Variants in SHANK2 observed in about 807,000 individuals in gnomAD.
The protein encoded by SHANK2 is SH3 and multiple ankyrin repeat domains protein 2.
SHANK2 carries 43 observed loss-of-function variants against 133.7 expected under a neutral mutation model. The ratio of observed to expected loss-of-function variants is 0.32; its 90% CI spans 0.25 to 0.41. SHANK2 has a LOEUF of 0.41. Ranked by LOEUF, SHANK2 falls within the 10% of genes least tolerant of loss-of-function variation. SHANK2 has a pLI of 1.00. For missense variants in SHANK2, 1,994 were observed against 2,235.8 expected, an observed-to-expected ratio of 0.89 and a Z score of 2.18; for synonymous variants, 1,017 against 952.8, an observed-to-expected ratio of 1.07 and a Z score of -1.24.
chr11:70,622,875 G>C (rs1310221827), intron 17 of SHANK2, among the ~76,000 whole-genome samples: 2 of 151,606 alleles, frequency 1.3e-5, no homozygotes, highest in East Asian at 3.9e-4. Flanking sequence ...CTGGGGAGTA[G>C]AGTCTAAATT....
chr11:71,180,546 G>GA (rs1320713884), intron 2 of SHANK2, among the ~76,000 whole-genome samples: 18 of 151,218 alleles, frequency 1.2e-4, no homozygotes, highest in African/African-American at 4.1e-4. Flanking sequence ...AGGTTGCAAA[G>GA]AAAAAAAGAA....
chr11:70,756,539 TG>T (rs1946877724), intron 14 of SHANK2, among the ~76,000 whole-genome samples: 1 of 152,146 alleles, frequency 6.6e-6, no homozygotes, highest in Non-Finnish European at 1.5e-5. Context: ...TCCAGCTGTG[TG>T]GGCAGGGGCT....
intron 17 of SHANK2, among the ~76,000 whole-genome samples, chr11:70,575,669 C>T (rs1309640730): frequency 2.7e-5 from 4 of 150,152 alleles, no homozygotes; most frequent in Middle Eastern, 3.2e-3. Flanking sequence ...AATGTGTGAG[C>T]GCTTTACAGA....
chr11:70,884,736 T>C (rs1949711174), intron 11 of SHANK2, among the ~76,000 whole-genome samples: 1 of 152,252 alleles, frequency 6.6e-6, no homozygotes. Context: ...CTTTCTTTTT[T>C]TGAGACGAAG....
At chr11:71,223,427 C>T (rs145345936) in intron 2 of SHANK2, among the ~76,000 whole-genome samples, 16 of 152,118 alleles carry the variant, frequency 1.1e-4, no homozygotes, top group African/African-American at 3.1e-4. Flanking sequence ...GCATCTGTAC[C>T]GAACATGTAC....
In SHANK2 at chr11:70,661,663, C is replaced by T. The variant is rs1471538596; in HGVS notation, c.1869G>A (p.Glu623=). The part of the protein sequence containing the change: ...SFDTSSDCII[E]EKTVVLQKKD... ...TTTTCTGCAGGACCACCGTCTTCTC[C>T]TCAATAATGCAGTCACTGTAGAGAG... is the stretch of plus-strand genomic sequence containing the variant. The change falls in exon 16 of 26, where the codon GAG becomes GAA. Residue 623 remains glutamate, a synonymous_variant. Coordinates refer to ENST00000601538, the MANE Select transcript of SHANK2 (RefSeq NM_012309.5). The T allele has an allele frequency of 3.1e-6, 5 of 1,614,056 alleles. No homozygotes were observed. The Admixed American group carries it at 6.7e-5, about 22-fold the overall frequency.
chr11:70,502,754 AG>A, intron 18 of SHANK2, 41 bp downstream of exon 18: 5 of 254,076 alleles, frequency 2.0e-5, no homozygotes, highest in Admixed American at 1.6e-4. Context: ...CCCCCCCCCC[AG>A]TAGGGCCCCA....
intron 17 of SHANK2, among the ~76,000 whole-genome samples, chr11:70,552,722 G>A (rs2081100339): frequency 6.6e-6 from 1 of 152,178 alleles, no homozygotes; most frequent in South Asian, 2.1e-4. Context: ...ACAGCCTGGG[G>A]TGCAAGGGAG....
intron 2 of SHANK2, among the ~76,000 whole-genome samples, chr11:71,195,093 A>G (rs982974507): frequency 3.9e-5 from 6 of 152,232 alleles, no homozygotes; most frequent in Admixed American, 3.9e-4. Context: ...TATATTTAGT[A>G]TTAAAAAGTG....
chr11:71,178,650 A>G (rs1312336612), intron 2 of SHANK2, among the ~76,000 whole-genome samples: 3 of 151,946 alleles, frequency 2.0e-5, no homozygotes, highest in African/African-American at 7.2e-5. Context: ...AAATAAAGAC[A>G]AATACAAATA....
chr11:70,598,196 G>T (rs546402012), intron 17 of SHANK2, among the ~76,000 whole-genome samples: 1 of 152,294 alleles, frequency 6.6e-6, no homozygotes, highest in South Asian at 2.1e-4. Context: ...GCGATGGGGC[G>T]GGACGAATGA....
intron 17 of SHANK2, among the ~76,000 whole-genome samples, chr11:70,531,193 A>G (rs1329607067): frequency 6.0e-5 from 9 of 150,966 alleles, no homozygotes; most frequent in African/African-American, 2.2e-4. Context: ...AAAAAGGCTA[A>G]GATTATAGAG....
intron 3 of SHANK2, among the ~76,000 whole-genome samples, chr11:71,133,439 GGGACGGACGGACAGAC>G (rs1952369996): frequency 7.6e-6 from 1 of 130,826 alleles, no homozygotes; most frequent in African/African-American, 3.4e-5. Flanking sequence ...GAGGGAGGGA[GGGACGGACGGACAGAC>G]GGAGGGAGGG....
chr11:70,898,756 A>G (rs1291722902), intron 10 of SHANK2, among the ~76,000 whole-genome samples: 1 of 152,258 alleles, frequency 6.6e-6, no homozygotes, highest in Non-Finnish European at 1.5e-5. Context: ...GAGCTTGAAG[A>G]TTTGGAAGAT....
intron 17 of SHANK2, among the ~76,000 whole-genome samples, chr11:70,582,332 G>A (rs1037089295): frequency 6.6e-6 from 1 of 152,218 alleles, no homozygotes; most frequent in African/African-American, 2.4e-5. Context: ...ATGCCGTGGA[G>A]GCCGCCAGCC....
At chr11:70,665,396 C>T (rs1446329474) in intron 15 of SHANK2, among the ~76,000 whole-genome samples, 1 of 95,642 alleles carries the variant, frequency 1.0e-5, no homozygotes, top group African/African-American at 3.8e-5. Context: ...CCTTCTCAGC[C>T]TCCAAGGTGC....
At chr11:70,629,062 A>T (rs1348676239) in intron 17 of SHANK2, among the ~76,000 whole-genome samples, 1 of 152,164 alleles carries the variant, frequency 6.6e-6, no homozygotes, top group African/African-American at 2.4e-5. Flanking sequence ...GGTTTCAGGC[A>T]TGTGCGCGCC....
intron 2 of SHANK2, among the ~76,000 whole-genome samples, chr11:71,165,894 C>T (rs1300558542): frequency 2.0e-5 from 3 of 152,094 alleles, no homozygotes; most frequent in East Asian, 1.9e-4. Context: ...AGACCATGTC[C>T]GGGGAGCACC....
intron 3 of SHANK2, among the ~76,000 whole-genome samples, chr11:71,123,010 G>C (rs1488514509): frequency 6.6e-6 from 1 of 152,148 alleles, no homozygotes; most frequent in Non-Finnish European, 1.5e-5. Flanking sequence ...CATCATCTCT[G>C]AGAGCGGAAC....
Sources: allele counts gnomAD v4.1 joint callset (sites outside exome capture counted in the v4.1 genomes callset), GRCh38; gene constraint gnomAD v4.1.1; transcripts MANE v1.5; gene names NCBI Gene and HGNC (gene_info 2026-07-23, HGNC 2026-07-21).